Variants in CDHR3 observed in about 807,000 individuals in gnomAD.
CDHR3 encodes the protein cadherin related family member 3.
In CDHR3, 79 loss-of-function variants were observed where a neutral mutation model predicts 86.6. That is an observed-to-expected ratio of 0.91 (90% CI 0.76 to 1.10). The LOEUF (loss-of-function observed/expected upper bound fraction) is 1.10. CDHR3 is among the 50% of genes least tolerant of loss of function. The pLI is 0.00. For synonymous variants in CDHR3, 421 were observed against 402.4 expected, an observed-to-expected ratio of 1.05 and a Z score of -0.55; for missense variants, 1,081 against 1,077.6, an observed-to-expected ratio of 1.00 and a Z score of -0.04.
intron 2 of CDHR3, 65 bp from the exon 3 acceptor site, chr7:105,980,903 A>G: frequency 4.9e-6 from 7 of 1,429,920 alleles, no homozygotes; most frequent in Non-Finnish European, 6.7e-6. Flanking sequence ...TCCCTTTGCA[A>G]AGTGCATGCA....
At position 106,013,144 on chromosome 7, in the gene CDHR3, A is replaced by T. The variant is rs189628075; in HGVS notation, c.1224+113A>T. The T allele has an allele frequency of 5.6e-6, 5 of 886,282 alleles. No individual in the cohort carries two copies. In the Admixed American group the frequency reaches 1.6e-4, roughly 28 times the overall value. The allele number at this position is 886,282 out of a possible 1,614,324, so 54.9% of individuals were successfully genotyped here. A position where few individuals can be genotyped will look rare whatever the true frequency, so the allele number is the denominator to read the frequency against. The stretch of plus-strand genomic sequence containing the variant: ...TCCAAGGTAACCCCCTCTCAGAGCG[A>T]CTGTAACTGACAGGCTTAATAGTGA... On this transcript the variant is annotated intron_variant, in intron 9 of 18. Transcript: ENST00000317716.
intron 2 of CDHR3, among the ~76,000 whole-genome samples, chr7:105,980,623 A>ATTTTTT (rs55880404): frequency 1.6e-4 from 17 of 108,108 alleles, no homozygotes; most frequent in Admixed American, 2.1e-4. Flanking sequence ...TTTTTTTTTA[A>ATTTTTT]TTTTTTTTTT....
chr7:106,010,613 G>A (rs1563281973), intron 8 of CDHR3, among the ~76,000 whole-genome samples: 3 of 152,182 alleles, frequency 2.0e-5, no homozygotes, highest in African/African-American at 4.8e-5. Flanking sequence ...ACTTTGCTCC[G>A]TATGCACTGA....
At chr7:105,999,020 C>G (rs535136550) in intron 6 of CDHR3, among the ~76,000 whole-genome samples, 331 of 152,344 alleles carry the variant, frequency 2.2e-3, no homozygotes, top group Middle Eastern at 3.4e-3. Flanking sequence ...GTGAAGCCAT[C>G]CATGGCTTCC....
At chr7:106,022,540 G>T (rs938558880) in intron 14 of CDHR3, 92 bp downstream of exon 14, 3 of 1,524,042 alleles carry the variant, frequency 2.0e-6, no homozygotes, top group African/African-American at 2.8e-5. Flanking sequence ...ATGTGGGGTG[G>T]ACTGAAGAGT....
Position 106,028,576 on chromosome 7 carries a change from C to A in CDHR3, c.2298C>A (p.Val766=). The A allele has an allele frequency of 6.2e-7, 1 of 1,613,890 alleles. No homozygotes were observed. The highest frequency in any genetic ancestry group is 8.5e-7 in the Non-Finnish European group (1 of 1,179,858). ...AAACGAAGACTGCAGAGAGAGACGT[C>A]GTGGTGGTGAGTATGGGCAGTGTGG... ...KGETKTAERD[V]VVETIQMNTI... The change falls in exon 17 of 19, where the codon GTC becomes GTA. Residue 766 remains valine, a synonymous_variant. Coordinates refer to ENST00000317716, the MANE Select transcript of CDHR3 (RefSeq NM_152750.5).
Position 106,032,575 on chromosome 7 carries a change from A to G in CDHR3, c.2536A>G (p.Lys846Glu), listed in dbSNP as rs1256060794. ...ANWEEDELSG[K>E]AWAEDAGLGS... ...CTGGGAAGAAGATGAGCTGAGTGGC[A>G]AAGCGTGGGCTGAGGATGCTGGTCT... The change falls in exon 19 of 19, where the codon AAA (lysine) becomes GAA (glutamate). Residue 846 changes from lysine to glutamate, a missense_variant. Coordinates refer to ENST00000317716, the MANE Select transcript of CDHR3 (RefSeq NM_152750.5). The G allele has an allele frequency of 1.9e-6, 3 of 1,613,914 alleles. No individual in the cohort carries two copies. The African/African-American group carries it at 4.0e-5, about 22-fold the overall frequency.
chr7:105,994,707 G>T, intron 4 of CDHR3, 44 bp from the exon 5 acceptor site: 1 of 1,299,064 alleles, frequency 7.7e-7, no homozygotes, highest in Non-Finnish European at 1.1e-6. Context: ...GGGAAGGGTG[G>T]GCAGGTGGGC....
intron 6 of CDHR3, among the ~76,000 whole-genome samples, chr7:105,997,674 C>T (rs1255114137): frequency 6.6e-6 from 1 of 152,146 alleles, no homozygotes; most frequent in Non-Finnish European, 1.5e-5. Flanking sequence ...CAAGTCCCAT[C>T]TGGGAGGAGG....
chr7:105,974,200 A>G (rs1457849626), intron 1 of CDHR3, among the ~76,000 whole-genome samples: 1 of 152,190 alleles, frequency 6.6e-6, no homozygotes, highest in Non-Finnish European at 1.5e-5. Flanking sequence ...GCCCAAGGCA[A>G]TTCACATGCC....
chr7:106,031,392 C>T (rs376663578), intron 18 of CDHR3, among the ~76,000 whole-genome samples: 2 of 152,178 alleles, frequency 1.3e-5, no homozygotes, highest in East Asian at 3.9e-4. Context: ...AAATCAGCTC[C>T]AAATTTAGCT....
intron 4 of CDHR3, among the ~76,000 whole-genome samples, chr7:105,988,718 A>G (rs1159075594): frequency 6.6e-6 from 1 of 152,192 alleles, no homozygotes; most frequent in Non-Finnish European, 1.5e-5. Flanking sequence ...TCAATATTGG[A>G]CCGGCTCTGT....
intron 15 of CDHR3, among the ~76,000 whole-genome samples, chr7:106,024,836 C>T (rs577031316): frequency 1.1e-4 from 16 of 152,324 alleles, no homozygotes; most frequent in South Asian, 2.1e-4. Context: ...GGGGCATCAA[C>T]CTTCTGATGA....
At position 106,022,249 on chromosome 7, in the gene CDHR3, C is replaced by T; in HGVS notation, c.1877C>T (p.Thr626Ile). 4 of 1,614,056 alleles carry T rather than the reference C, an allele frequency of 2.5e-6. No individual in the cohort carries two copies. The highest frequency in any genetic ancestry group is 3.4e-6 in the Non-Finnish European group (4 of 1,179,900). The change falls in exon 14 of 19, where the codon ACA becomes ATA. Residue 626 changes from threonine to isoleucine, a missense_variant. Transcript: ENST00000317716. The stretch of plus-strand genomic sequence containing the variant: ...TCTCCCAATGCTGGTTCCAATGTCA[C>T]ACGCCTGCTGCTTACATCTCGCTTT... ...TFSPNAGSNV[T>I]RLLLTSRFDY...
intron 17 of CDHR3, among the ~76,000 whole-genome samples, chr7:106,029,578 CTT>C (rs1491567008): frequency 8.2e-4 from 125 of 151,898 alleles, no homozygotes; most frequent in Non-Finnish European, 1.4e-3. Flanking sequence ...CTCTCTCTCT[CTT>C]TGACAGAACC....
intron 12 of CDHR3, among the ~76,000 whole-genome samples, chr7:106,019,556 C>T (rs902524169): frequency 6.6e-6 from 1 of 152,122 alleles, no homozygotes; most frequent in African/African-American, 2.4e-5. Context: ...ATGAACTAAA[C>T]GATCACACAA....
chr7:106,018,105 C>T, intron 12 of CDHR3, 33 bp downstream of exon 12: 1 of 1,581,450 alleles, frequency 6.3e-7, no homozygotes, highest in Non-Finnish European at 8.7e-7. Context: ...GTGCCGGTAA[C>T]CCAACTGGTT....
At chr7:106,007,594 G>A (rs1834130352) in intron 8 of CDHR3, among the ~76,000 whole-genome samples, 1 of 152,200 alleles carries the variant, frequency 6.6e-6, no homozygotes, top group African/African-American at 2.4e-5. Context: ...AACATAACAA[G>A]AGTCACCTTT....
intron 1 of CDHR3, among the ~76,000 whole-genome samples, chr7:105,969,552 G>T (rs1181034235): frequency 2.6e-5 from 4 of 152,280 alleles, no homozygotes; most frequent in South Asian, 4.1e-4. Flanking sequence ...GGGTTCTGCC[G>T]TTGAGGCCAG....
Sources: gnomAD v4.1 joint callset for allele counts (sites outside exome capture counted in the v4.1 genomes callset) on GRCh38, gnomAD v4.1.1 for gene constraint, MANE v1.5 for transcripts, NCBI Gene and HGNC (gene_info 2026-07-23, HGNC 2026-07-21) for gene names.